RTN4: variants seen among roughly 807,000 people sequenced by gnomAD.
The protein encoded by RTN4 is reticulon 4.
RTN4 carries 32 observed loss-of-function variants against 90.4 expected under a neutral mutation model. The ratio of observed to expected loss-of-function variants is 0.35; its 90% CI spans 0.27 to 0.48. RTN4 has a LOEUF of 0.48. Among genes scored for constraint, RTN4 ranks in the 20% least tolerant of loss-of-function variants. RTN4 has a pLI of 0.99. For missense variants in RTN4, 1,706 were observed against 1,430.2 expected (o/e 1.19, Z -3.11); for synonymous variants, 629 against 552.5 (o/e 1.14, Z -1.94).
At chr2:55,108,902 G>C (rs1667989579) in intron 1 of RTN4, among the ~76,000 whole-genome samples, 1 of 152,046 alleles carries the variant, frequency 6.6e-6, no homozygotes, top group Non-Finnish European at 1.5e-5. Flanking sequence ...AATTCCAGGA[G>C]CTCTGTGCTA....
intron 3 of RTN4, among the ~76,000 whole-genome samples, chr2:55,023,913 C>T (rs766309679): frequency 6.6e-6 from 1 of 152,064 alleles, no homozygotes; most frequent in African/African-American, 2.4e-5. Flanking sequence ...TTCAAGTAGT[C>T]CTCTTCTCTT....
intron 1 of RTN4, among the ~76,000 whole-genome samples, chr2:55,111,487 C>T (rs964306798): frequency 1.3e-5 from 2 of 152,232 alleles, no homozygotes; most frequent in Non-Finnish European, 2.9e-5. Context: ...AAATGTTCCT[C>T]ACTCCTGTTC....
chr2:55,085,547 G>T (rs549301262), intron 1 of RTN4, among the ~76,000 whole-genome samples: 1 of 152,106 alleles, frequency 6.6e-6, no homozygotes, highest in African/African-American at 2.4e-5. Flanking sequence ...TCATAATAAA[G>T]GGGAATCTGT....
chr2:55,135,250 C>G, the RTN4 span, among the ~76,000 whole-genome samples: 1 of 145,286 alleles, frequency 6.9e-6, no homozygotes, highest in African/African-American at 2.6e-5. Context: ...CTCTGTCACC[C>G]AGGCTGGAGT....
chr2:55,126,357 A>G, the RTN4 span, among the ~76,000 whole-genome samples: 1 of 152,032 alleles, frequency 6.6e-6, no homozygotes, highest in South Asian at 2.1e-4. Flanking sequence ...AAACAAGAGC[A>G]AAACTCCGTC....
chr2:55,024,918 GA>G (rs1681704903), intron 3 of RTN4, among the ~76,000 whole-genome samples, 167 bp downstream of exon 3: 1 of 152,188 alleles, frequency 6.6e-6, no homozygotes, highest in Non-Finnish European at 1.5e-5. Context: ...CTGAGTGCAA[GA>G]GAGTTAGAAA....
At chr2:55,060,699 T>C (rs2968796) in intron 2 of RTN4, 66,860 of 152,076 alleles carry the variant, frequency 0.44, 15,638 homozygotes, top group East Asian at 0.69. Context: ...GGCAGGTGGA[T>C]CGCTTGATTC....
At chr2:55,038,356 T>C (rs1682830034) in intron 1 of RTN4, among the ~76,000 whole-genome samples, 2 of 152,144 alleles carry the variant, frequency 1.3e-5, no homozygotes, top group Admixed American at 6.5e-5. Flanking sequence ...TAGGAGAATA[T>C]ATTCACAACA....
At chr2:55,136,306 G>C in the RTN4 span, among the ~76,000 whole-genome samples, 7 of 152,096 alleles carry the variant, frequency 4.6e-5, no homozygotes, top group Admixed American at 3.9e-4. Flanking sequence ...CTGTGCACAC[G>C]GCCCCTTCCA....
chr2:55,055,781 CAAAA>C (rs1280648703), upstream of RTN4, among the ~76,000 whole-genome samples: 1 of 128,836 alleles, frequency 7.8e-6, no homozygotes, highest in African/African-American at 3.0e-5. Flanking sequence ...AAAAAAAAAA[CAAAA>C]AAAACAAAAA....
chr2:55,120,591 A>G, the RTN4 span, among the ~76,000 whole-genome samples: 1 of 152,144 alleles, frequency 6.6e-6, no homozygotes, highest in Non-Finnish European at 1.5e-5. Flanking sequence ...GATGGTTTAA[A>G]TAAATGTCCA....
At chr2:55,009,495 G>A (rs774179402) in intron 3 of RTN4, among the ~76,000 whole-genome samples, 1 of 152,108 alleles carries the variant, frequency 6.6e-6, no homozygotes, top group Non-Finnish European at 1.5e-5. Flanking sequence ...GTTATTACAA[G>A]GACAAAGGTT....
chr2:55,016,252 G>T (rs1681026902), intron 3 of RTN4, among the ~76,000 whole-genome samples: 1 of 152,062 alleles, frequency 6.6e-6, no homozygotes, highest in Admixed American at 6.6e-5. Flanking sequence ...TATAGAGTAT[G>T]ATTCCAATTT....
At chr2:55,073,856 G>C (rs1668556076) in intron 2 of RTN4, among the ~76,000 whole-genome samples, 1 of 152,180 alleles carries the variant, frequency 6.6e-6, no homozygotes, top group Non-Finnish European at 1.5e-5. Flanking sequence ...CCACTCGTTG[G>C]TTGGTGGCAG....
intron 1 of RTN4, among the ~76,000 whole-genome samples, chr2:55,092,397 G>C (rs888028812): frequency 6.6e-6 from 1 of 151,918 alleles, no homozygotes; most frequent in African/African-American, 2.4e-5. Flanking sequence ...CACCACCCCT[G>C]GCTAATTTTG....
At chr2:55,043,946 C>T (rs764928839) in intron 1 of RTN4, among the ~76,000 whole-genome samples, 60 of 151,960 alleles carry the variant, frequency 3.9e-4, no homozygotes, top group Admixed American at 1.2e-3. Flanking sequence ...TGGTGGCTCA[C>T]GCCTGTAAAC....
intron 4 of RTN4, among the ~76,000 whole-genome samples, chr2:54,984,435 A>G (rs1678387705): frequency 6.6e-6 from 1 of 152,264 alleles, no homozygotes; most frequent in African/African-American, 2.4e-5. Flanking sequence ...CTGATATTTA[A>G]ACCAGCAATT....
At chr2:55,068,956 C>T (rs534113251) in intron 2 of RTN4, among the ~76,000 whole-genome samples, 1 of 152,236 alleles carries the variant, frequency 6.6e-6, no homozygotes, top group Admixed American at 6.5e-5. Flanking sequence ...TACTTTAAAG[C>T]CACTGCCTTG....
chr2:55,037,362 T>C (rs1211807087), intron 1 of RTN4, among the ~76,000 whole-genome samples: 3 of 152,242 alleles, frequency 2.0e-5, no homozygotes, highest in African/African-American at 7.2e-5. Context: ...AAAACATTTG[T>C]ATTGTGAACA....
Sources: allele counts gnomAD v4.1 joint callset (sites outside exome capture counted in the v4.1 genomes callset), GRCh38; gene constraint gnomAD v4.1.1; transcripts MANE v1.5; gene names NCBI Gene and HGNC (gene_info 2026-07-23, HGNC 2026-07-21).